Variants in EHMT1 observed in about 807,000 individuals in gnomAD.
EHMT1 encodes euchromatic histone lysine methyltransferase 1, also known as histone-lysine N-methyltransferase EHMT1.
EHMT1 carries 15 observed loss-of-function variants against 147.2 expected under a neutral mutation model. The ratio of observed to expected loss-of-function variants is 0.10; its 90% CI spans 0.07 to 0.16. The LOEUF (loss-of-function observed/expected upper bound fraction) is 0.16. Among genes scored for constraint, EHMT1 ranks in the 10% least tolerant of loss-of-function variants. The probability of loss-of-function intolerance (pLI) is 1.00; values close to 1 mark genes in which losing one functional copy is unlikely to be tolerated. For missense variants in EHMT1, 1,587 were observed against 1,772.4 expected (o/e 0.90, Z 1.88); for synonymous variants, 795 against 709.6 (o/e 1.12, Z -1.91).
intron 25 of EHMT1, among the ~76,000 whole-genome samples, chr9:137,827,823 C>T (rs1207194288): frequency 6.6e-6 from 1 of 151,912 alleles, no homozygotes; most frequent in East Asian, 1.9e-4. Context: ...CCCAGGGAGC[C>T]CTCTCCATGG....
chr9:137,807,818 T>A (rs1954079648), intron 18 of EHMT1, among the ~76,000 whole-genome samples: 2 of 152,184 alleles, frequency 1.3e-5, no homozygotes, highest in African/African-American at 4.8e-5. Flanking sequence ...CACCAATGGC[T>A]TTAATGACCT....
Position 137,719,446 on chromosome 9 carries a change from T to C in EHMT1, c.642+2264T>C, listed in dbSNP as rs971247200. On this transcript the variant is annotated intron_variant, in intron 3 of 26. Transcript: ENST00000460843. ...AGCTGCTGGGTGTTGCGTCCTCTCC[T>C]AGGACAGATAAGGCGGGCACCTCGT... is the stretch of plus-strand genomic sequence containing the variant. Among the ~76,000 whole-genome samples the C allele has an allele frequency of 4.6e-5, 7 of 152,264 alleles. No homozygotes were observed. In the East Asian group the frequency reaches 1.4e-3, roughly 29 times the overall value.
In EHMT1 at chr9:137,717,036, A is replaced by G. The variant is rs1016996167; in HGVS notation, c.496A>G (p.Ser166Gly). The change falls in exon 3 of 27, where the codon AGC becomes GGC. Residue 166 changes from serine to glycine, a missense_variant. Ser to Gly is a moderately conservative substitution (Grantham distance 56, BLOSUM62 0). Around this residue, in one of 7 missense-constraint regions of EHMT1, gnomAD observed 810 missense variants for 673.0 expected, o/e 1.20. Transcript: ENST00000460843. ...PGGAGKGRTP[S>G]AFPQTPAAPP... ...AGGGGCTGGCAAAGGCAGGACTCCA[A>G]GCGCTTTTCCCCAGACGCCAGCCGC... is the stretch of plus-strand genomic sequence containing the variant. 7.5e-6 allele frequency: 12 copies of G among 1,607,092 alleles called. No homozygotes were observed. The highest frequency in any genetic ancestry group is 1.0e-5 in the Non-Finnish European group (12 of 1,175,920).
rs567562889 is a variant in EHMT1, at chr9:137,828,079, C to T, written c.3541-6270C>T. Among the ~76,000 whole-genome samples, 107 of 152,226 alleles carry T rather than the reference C, an allele frequency of 7.0e-4. No individual in the cohort carries two copies. Among genetic ancestry groups the T allele is most frequent in the African/African-American group, 2.6e-3 (107 of 41,546 alleles). On this transcript the variant is annotated intron_variant, in intron 25 of 26. Transcript: ENST00000460843. This position sits in a 1 kb window ranked among gnomAD's most constrained non-coding sequence, Gnocchi z 5.3. ...CCATCGTGGGAGGGACGTGGACGAA[C>T]GGCACGCAGTGGGAGGCCATGGGCA...
chr9:137,730,361 T>C (rs778978494), intron 4 of EHMT1, among the ~76,000 whole-genome samples: 3 of 152,184 alleles, frequency 2.0e-5, no homozygotes, highest in Non-Finnish European at 4.4e-5. Flanking sequence ...ACTCCATCAT[T>C]TCCTCTCTTG....
At chr9:137,817,654 C>T in intron 24 of EHMT1, 129 bp downstream of exon 24, 1 of 1,183,930 alleles carries the variant, frequency 8.4e-7, no homozygotes, top group Non-Finnish European at 1.2e-6. Context: ...GGGGTGGGGG[C>T]CACAGAGACC....
intron 1 of EHMT1, among the ~76,000 whole-genome samples, chr9:137,698,038 T>TTGTGAGGG (rs1184806787): frequency 3.3e-5 from 5 of 151,396 alleles, no homozygotes; most frequent in African/African-American, 1.2e-4. Context: ...ATCCCCACTG[T>TTGTGAGGG]CGTGAGGGCA....
chr9:137,733,286 C>T (rs568768268), intron 4 of EHMT1, among the ~76,000 whole-genome samples: 2 of 152,326 alleles, frequency 1.3e-5, no homozygotes, highest in East Asian at 3.9e-4. Context: ...AGTGGACTGG[C>T]ATCTTTGTTA....
chr9:137,755,349 C>T (rs1949303147), intron 8 of EHMT1, among the ~76,000 whole-genome samples: 3 of 152,148 alleles, frequency 2.0e-5, no homozygotes, highest in African/African-American at 7.2e-5. Context: ...GGTTGTTTTT[C>T]ATCTGGCTTC....
chr9:137,820,940 C>T (rs1332480887), intron 25 of EHMT1, among the ~76,000 whole-genome samples: 2 of 151,866 alleles, frequency 1.3e-5, no homozygotes, highest in African/African-American at 2.4e-5. Flanking sequence ...TGCCGTGGCG[C>T]GATCTCAGGT....
At chr9:137,823,004 C>G (rs1016607429) in intron 25 of EHMT1, among the ~76,000 whole-genome samples, 2 of 151,912 alleles carry the variant, frequency 1.3e-5, no homozygotes, top group Admixed American at 6.5e-5. Context: ...AATCTCGGCT[C>G]ACTGCAACGT....
intron 25 of EHMT1, among the ~76,000 whole-genome samples, chr9:137,822,015 C>T (rs923100334): frequency 6.6e-6 from 1 of 152,150 alleles, no homozygotes. Context: ...TACAAATGTA[C>T]ATCCCAGTGT....
At chr9:137,789,878 A>C (rs6559223) in intron 15 of EHMT1, among the ~76,000 whole-genome samples, 50,318 of 152,142 alleles carry the variant, frequency 0.33, 8,608 homozygotes, top group Admixed American at 0.43. Context: ...TACAGGCGCC[A>C]GGCACCACGC....
At chr9:137,694,064 T>G (rs1359764799) in intron 1 of EHMT1, among the ~76,000 whole-genome samples, 45 of 23,086 alleles carry the variant, frequency 1.9e-3, no homozygotes, top group East Asian at 3.9e-3. Flanking sequence ...ACACAGTGGC[T>G]CAGGACGCTG....
Position 137,810,857 on chromosome 9 carries a change from G to A in EHMT1, c.2713-604G>A, listed in dbSNP as rs185593751. On this transcript the variant is annotated intron_variant, in intron 18 of 26. Transcript: ENST00000460843. ...TGGGATTACAGGTGCCCACCACCAC[G>A]CCCGGCTCATTTTTTGTATTTTTAG... Among the ~76,000 whole-genome samples, 119 of 152,012 alleles carry A rather than the reference G, an allele frequency of 7.8e-4. 4 individuals are homozygous for A. Among genetic ancestry groups the A allele is most frequent in the South Asian group, 6.2e-4 (3 of 4,802 alleles).
chr9:137,644,618 GC>G (rs2133861803), intron 1 of EHMT1, among the ~76,000 whole-genome samples: 1 of 152,054 alleles, frequency 6.6e-6, no homozygotes, highest in East Asian at 1.9e-4. Flanking sequence ...GAGCCACCGG[GC>G]CCGGCCAAAA....
chr9:137,650,148 G>A (rs1055164080), intron 1 of EHMT1, among the ~76,000 whole-genome samples: 20 of 152,142 alleles, frequency 1.3e-4, no homozygotes, highest in African/African-American at 4.8e-4. Context: ...ACCCAGGCTG[G>A]AGTGCAGTGG....
In EHMT1 at chr9:137,811,472, T is replaced by C; in HGVS notation, c.2724T>C (p.Ile908=). 6.2e-7 allele frequency: 1 copy of C among 1,612,602 alleles called. No homozygotes were observed. The highest frequency in any genetic ancestry group is 8.5e-7 in the Non-Finnish European group (1 of 1,180,000). The stretch of plus-strand genomic sequence containing the variant: ...TTGTGTCTGTTCAGGAGGAGAACAT[T>C]TGCCTGCACTGGGCGGCGTTCTCCG... The part of the protein sequence containing the change: ...DINIRDNEEN[I]CLHWAAFSGC... The change falls in exon 19 of 27, where the codon ATT becomes ATC. Residue 908 remains isoleucine, a synonymous_variant. Coordinates refer to ENST00000460843, the MANE Select transcript of EHMT1 (RefSeq NM_024757.5).
chr9:137,643,907 T>C (rs1275483502), intron 1 of EHMT1, among the ~76,000 whole-genome samples: 2 of 152,232 alleles, frequency 1.3e-5, no homozygotes, highest in East Asian at 3.8e-4. Flanking sequence ...TTGGGAACTT[T>C]GTGATGAGTA....
Sources: allele counts gnomAD v4.1 joint callset (sites outside exome capture counted in the v4.1 genomes callset), GRCh38; gene constraint gnomAD v4.1.1; regional missense constraint gnomAD v4.1.1; non-coding constraint Gnocchi (gnomAD v3.1); transcripts MANE v1.5; gene names NCBI Gene and HGNC (gene_info 2026-07-23, HGNC 2026-07-21).